Variants in ABL2 observed in about 807,000 individuals in gnomAD.
ABL2 encodes the protein ABL proto-oncogene 2, non-receptor tyrosine kinase, also known as tyrosine-protein kinase ABL2.
In ABL2, 49 loss-of-function variants were observed where a neutral mutation model predicts 107.7. That is an observed-to-expected ratio of 0.45 (90% confidence interval 0.36 to 0.58). The LOEUF is 0.58. Ranked by LOEUF, ABL2 falls within the 20% of genes least tolerant of loss-of-function variation. The probability of loss-of-function intolerance (pLI) is 0.00; values close to 1 mark genes in which losing one functional copy is unlikely to be tolerated. For synonymous variants in ABL2, 549 were observed against 548.6 expected (o/e 1.00, Z -0.01); for missense variants, 1,245 against 1,457.0 (o/e 0.85, Z 2.37).
chr1:179,177,412 A>G (rs1267494666), intron 1 of ABL2, among the ~76,000 whole-genome samples: 1 of 152,222 alleles, frequency 6.6e-6, no homozygotes, highest in Non-Finnish European at 1.5e-5. Context: ...CTCCAACTAC[A>G]GTCATCCTCA....
rs191175379 is a variant in ABL2, at chr1:179,101,462, C to T, written c.*6256G>A. 1.7e-3 allele frequency: 302 copies of T among 177,716 alleles called. No homozygotes were observed. Among genetic ancestry groups the T allele is most frequent in the Middle Eastern group, 8.5e-3 (4 of 472 alleles). 11.0% of individuals were successfully genotyped at this position (177,716 alleles called of 1,614,324 possible). A position where few individuals can be genotyped will look rare whatever the true frequency, so the allele number is the denominator to read the frequency against. On this transcript the variant is annotated 3_prime_UTR_variant, in exon 12 of 12. Coordinates refer to ENST00000502732, the MANE Select transcript of ABL2 (RefSeq NM_007314.4). ...CGCGATCTCAGCTCACTGCAACCTC[C>T]GCCTCCTGGGTTCAAGCAATTCTGC...
Position 179,229,381 on chromosome 1 carries a change from C to T in ABL2, c.17G>A (p.Gly6Asp), listed in dbSNP as rs747485312. The T allele has an allele frequency of 1.3e-6, 2 of 1,557,938 alleles. No individual in the cohort carries two copies. Among genetic ancestry groups the T allele is most frequent in the South Asian group, 1.2e-5 (1 of 83,320 alleles). ...GAGCCCCGGAGCTTCCCCGACGCGG[C>T]CCACCTGCTGCCCCATCCCTGCTCT... MGQQV[G>D]RVGEAPGLQQ... is the part of the protein sequence containing the mutation. Residue 6 changes from glycine to aspartate, a missense_variant, in exon 1 of 12, where the codon GGC (glycine) becomes GAC (aspartate). Around this residue, in one of 3 missense-constraint regions of ABL2, gnomAD observed 164 missense variants for 143.7 expected, o/e 1.14. Transcript: ENST00000502732.
chr1:179,193,352 T>C (rs1416558227), intron 1 of ABL2, among the ~76,000 whole-genome samples: 1 of 151,728 alleles, frequency 6.6e-6, no homozygotes, highest in Non-Finnish European at 1.5e-5. Context: ...AAACCAGCCC[T>C]AAATGTCTGC....
intron 1 of ABL2, among the ~76,000 whole-genome samples, chr1:179,155,520 A>G (rs543761073): frequency 6.6e-6 from 1 of 152,202 alleles, no homozygotes; most frequent in African/African-American, 2.4e-5. Context: ...ACCTGAGATC[A>G]AGAGTTTGAG....
At chr1:179,129,423 C>T (rs142700976) in intron 3 of ABL2, among the ~76,000 whole-genome samples, 3,350 of 152,296 alleles carry the variant, frequency 0.022, 65 homozygotes, top group Middle Eastern at 0.054. Flanking sequence ...GTGGCTCACG[C>T]CTGTAACCCC....
At chr1:179,158,397 A>G (rs1175129548) in intron 1 of ABL2, among the ~76,000 whole-genome samples, 3 of 152,208 alleles carry the variant, frequency 2.0e-5, no homozygotes, top group Non-Finnish European at 2.9e-5. Flanking sequence ...ATATTATCCC[A>G]TTTCACAGAT....
At chr1:179,110,235 A>G (rs531968049) in intron 11 of ABL2, 47 bp downstream of exon 11, 10 of 1,608,070 alleles carry the variant, frequency 6.2e-6, no homozygotes, top group Admixed American at 3.4e-5. Context: ...ATGCTTCTTT[A>G]AACAAGGCAG....
rs576549817 is a variant in ABL2 at position 179,110,694 on chromosome 1, G to A, written c.1652-239C>T. The A allele has an allele frequency of 1.1e-4, 173 of 1,592,904 alleles. No homozygotes were observed. In the African/African-American group the frequency reaches 2.1e-3, roughly 20 times the overall value. On this transcript the variant is annotated intron_variant, in intron 10 of 11. Coordinates refer to ENST00000502732, the MANE Select transcript of ABL2 (RefSeq NM_007314.4). The stretch of plus-strand genomic sequence containing the variant: ...TCATTGCTGTGTAGCATGCCAACGT[G>A]TGAATATACCACAATCCACCTGTTC...
intron 9 of ABL2, among the ~76,000 whole-genome samples, chr1:179,113,141 T>C (rs947965373): frequency 2.0e-5 from 3 of 152,172 alleles, no homozygotes; most frequent in African/African-American, 7.2e-5. Context: ...TTTGAACTCC[T>C]GAGCTCAAGC....
At chr1:179,130,936 A>ATTTT (rs11382795) in intron 3 of ABL2, among the ~76,000 whole-genome samples, 5 of 142,612 alleles carry the variant, frequency 3.5e-5, no homozygotes, top group Non-Finnish European at 3.0e-5. Flanking sequence ...TTTCAGGATA[A>ATTTT]TTTTTTTTTT....
At chr1:179,210,323 C>T (rs139951487) in intron 1 of ABL2, among the ~76,000 whole-genome samples, 3,353 of 151,820 alleles carry the variant, frequency 0.022, 66 homozygotes, top group Middle Eastern at 0.055. Flanking sequence ...CTGGCTAACA[C>T]AGTGAAACCC....
intron 3 of ABL2, among the ~76,000 whole-genome samples, chr1:179,127,065 C>T (rs1342777028): frequency 6.6e-6 from 1 of 152,082 alleles, no homozygotes; most frequent in African/African-American, 2.4e-5. Context: ...AGGAATGTAT[C>T]TTATATATGA....
At chr1:179,211,377 C>G (rs1171902731) in intron 1 of ABL2, among the ~76,000 whole-genome samples, 1 of 151,652 alleles carries the variant, frequency 6.6e-6, no homozygotes, top group Non-Finnish European at 1.5e-5. Flanking sequence ...TTTAATTTAA[C>G]CAGGTGGGGT....
At chr1:179,160,965 C>G (rs1053793604) in intron 1 of ABL2, among the ~76,000 whole-genome samples, 1 of 152,112 alleles carries the variant, frequency 6.6e-6, no homozygotes, top group African/African-American at 2.4e-5. Context: ...AACACCTGGC[C>G]TCAAGCAATC....
At position 179,121,586 on chromosome 1, in the gene ABL2, G is replaced by A. The variant is rs1303581779; in HGVS notation, c.960+9C>T. On this transcript the variant is annotated intron_variant, in intron 5 of 11. Coordinates refer to ENST00000502732, the MANE Select transcript of ABL2 (RefSeq NM_007314.4). ...AGATGCCTGAAAACTGTAATTCTCAGCAACCCACCTTCAATGTTTTCACAG... is the reference window on the plus strand; with the variant it reads ...AGATGCCTGAAAACTGTAATTCTCAACAACCCACCTTCAATGTTTTCACAG... The A allele has an allele frequency of 1.9e-6, 3 of 1,607,020 alleles. No individual in the cohort carries two copies. Among genetic ancestry groups the A allele is most frequent in the African/African-American group, 2.7e-5 (2 of 74,772 alleles).
At chr1:179,167,365 C>T (rs775466359) in intron 1 of ABL2, among the ~76,000 whole-genome samples, 2 of 151,908 alleles carry the variant, frequency 1.3e-5, no homozygotes, top group East Asian at 3.9e-4. Context: ...TCTCATGGAG[C>T]GAGAGTATAA....
chr1:179,147,826 AC>A (rs1435694178), intron 1 of ABL2, among the ~76,000 whole-genome samples: 1 of 152,174 alleles, frequency 6.6e-6, no homozygotes, highest in Non-Finnish European at 1.5e-5. Context: ...CTGCACTTGT[AC>A]CCTCCAAATC....
chr1:179,130,584 T>C (rs1656194887), intron 3 of ABL2, among the ~76,000 whole-genome samples: 1 of 152,084 alleles, frequency 6.6e-6, no homozygotes, highest in Non-Finnish European at 1.5e-5. Flanking sequence ...TTTATATAGA[T>C]TAGTGAAAGG....
chr1:179,228,487 T>C (rs1310249948), intron 1 of ABL2, among the ~76,000 whole-genome samples: 2 of 152,178 alleles, frequency 1.3e-5, no homozygotes, highest in African/African-American at 2.4e-5. Flanking sequence ...TGTATGTATA[T>C]GGGCACACGC....
Sources: gnomAD v4.1 joint callset for allele counts (sites outside exome capture counted in the v4.1 genomes callset) on GRCh38, gnomAD v4.1.1 for gene constraint, gnomAD v4.1.1 regional missense constraint, MANE v1.5 for transcripts, NCBI Gene and HGNC (gene_info 2026-07-23, HGNC 2026-07-21) for gene names.